CGNL1: variants seen among roughly 807,000 people sequenced by gnomAD.
CGNL1 encodes cingulin-like protein 1.
In CGNL1, 132 loss-of-function variants were observed where a neutral mutation model predicts 141.2. The ratio of observed to expected loss-of-function variants is 0.93; its 90% CI spans 0.81 to 1.08. The LOEUF (loss-of-function observed/expected upper bound fraction) is 1.08, where lower values mean the gene tolerates loss of function less well. CGNL1 is among the 50% of genes least tolerant of loss of function. The pLI, the probability that CGNL1 is intolerant of heterozygous loss-of-function variation, is 0.00. For synonymous variants in CGNL1, 690 were observed against 622.1 expected, an observed-to-expected ratio of 1.11 and a Z score of -1.63; for missense variants, 1,870 against 1,588.6, an observed-to-expected ratio of 1.18 and a Z score of -3.01.
At chr15:57,458,058 C>T (rs1455659356) in intron 7 of CGNL1, among the ~76,000 whole-genome samples, 1 of 152,098 alleles carries the variant, frequency 6.6e-6, no homozygotes, top group Non-Finnish European at 1.5e-5. Flanking sequence ...GAGCTTCGTT[C>T]GTTTATGAAG....
At chr15:57,526,588 T>A (rs1595798359) in intron 12 of CGNL1, among the ~76,000 whole-genome samples, 1 of 152,178 alleles carries the variant, frequency 6.6e-6, no homozygotes, top group Non-Finnish European at 1.5e-5. Flanking sequence ...CTGATAAGCA[T>A]GATCTTTAGA....
At chr15:57,484,589 G>T (rs2063764297) in intron 8 of CGNL1, among the ~76,000 whole-genome samples, 1 of 152,040 alleles carries the variant, frequency 6.6e-6, no homozygotes, top group Non-Finnish European at 1.5e-5. Context: ...GGATACATGT[G>T]CTGAATGTGC....
intron 1 of CGNL1, among the ~76,000 whole-genome samples, chr15:57,423,719 C>T (rs141500739): frequency 1.3e-5 from 2 of 152,332 alleles, no homozygotes; most frequent in East Asian, 1.9e-4. Flanking sequence ...TTCCTCGCAT[C>T]CCCCTGGTCG....
intron 8 of CGNL1, among the ~76,000 whole-genome samples, chr15:57,516,240 C>A (rs181605719): frequency 6.6e-6 from 1 of 151,168 alleles, no homozygotes; most frequent in South Asian, 2.1e-4. Flanking sequence ...TGTCAGAAAG[C>A]GAGGGTTATG....
At chr15:57,396,952 C>G (rs2062609661) in intron 1 of CGNL1, 3 of 152,178 alleles carry the variant, frequency 2.0e-5, no homozygotes, top group Admixed American at 2.0e-4. Context: ...AAGAGAAAGA[C>G]TCAGAAATCA....
intron 8 of CGNL1, among the ~76,000 whole-genome samples, chr15:57,507,325 A>G (rs1398689746): frequency 6.6e-6 from 1 of 152,226 alleles, no homozygotes; most frequent in Non-Finnish European, 1.5e-5. Flanking sequence ...TGTCAAATGC[A>G]TTCTGTGAGC....
At chr15:57,398,039 C>T (rs186320550) in intron 1 of CGNL1, among the ~76,000 whole-genome samples, 239 of 152,276 alleles carry the variant, frequency 1.6e-3, no homozygotes, top group Non-Finnish European at 2.5e-3. Flanking sequence ...CCTCAGCTTC[C>T]CAAAGTGCTG....
Position 57,547,495 on chromosome 15 carries a change from T to C in CGNL1, c.*5T>C. ...ACCGTCGCCAGCCAGATCTGAGTGCTCTCCCGGGCTGTGGAAGTACCTGTC... is the reference window on the plus strand; with the variant it reads ...ACCGTCGCCAGCCAGATCTGAGTGCCCTCCCGGGCTGTGGAAGTACCTGTC... On this transcript the variant is annotated 3_prime_UTR_variant, in exon 19 of 19. Transcript: ENST00000281282. 2 of 1,611,566 alleles carry C rather than the reference T, an allele frequency of 1.2e-6. No homozygotes were observed. Among genetic ancestry groups the C allele is most frequent in the Non-Finnish European group, 1.7e-6 (2 of 1,179,188 alleles).
intron 1 of CGNL1, among the ~76,000 whole-genome samples, chr15:57,426,150 T>A (rs1227507927): frequency 6.6e-6 from 1 of 151,790 alleles, no homozygotes; most frequent in Non-Finnish European, 1.5e-5. Flanking sequence ...GAAGACACAT[T>A]CTTTTTTTTT....
Position 57,516,959 on chromosome 15 carries a change from G to A in CGNL1, c.2583G>A (p.Lys861=). The A allele has an allele frequency of 1.2e-6, 2 of 1,613,628 alleles. No individual in the cohort carries two copies. The highest frequency in any genetic ancestry group is 1.3e-5 in the African/African-American group (1 of 74,766). ...QIEDLKGDEA[K]AKETLKKYEG... ...AGGACCTGAAAGGCGATGAAGCCAA[G>A]GCGAAGGAAACGCTGAAGAAGTACG... is the stretch of plus-strand genomic sequence containing the variant. The change falls in exon 9 of 19, where the codon AAG becomes AAA. Residue 861 remains lysine, a synonymous_variant. Transcript: ENST00000281282.
intron 14 of CGNL1, among the ~76,000 whole-genome samples, chr15:57,540,818 C>T (rs529663876): frequency 2.6e-5 from 4 of 152,250 alleles, no homozygotes; most frequent in Non-Finnish European, 5.9e-5. Context: ...TAAGACACAT[C>T]ATGTCGTTTG....
At chr15:57,450,665 G>C (rs2063311623) in intron 4 of CGNL1, among the ~76,000 whole-genome samples, 1 of 152,206 alleles carries the variant, frequency 6.6e-6, no homozygotes, top group African/African-American at 2.4e-5. Context: ...GAGTCATGGA[G>C]AACCCAGGGT....
intron 8 of CGNL1, among the ~76,000 whole-genome samples, chr15:57,469,160 G>T (rs1370707493): frequency 6.6e-6 from 1 of 152,062 alleles, no homozygotes; most frequent in Non-Finnish European, 1.5e-5. Flanking sequence ...GGAGGAATGA[G>T]CAGGTAGTAG....
chr15:57,453,258 C>G (rs947039316), intron 6 of CGNL1, among the ~76,000 whole-genome samples: 11 of 152,268 alleles, frequency 7.2e-5, no homozygotes, highest in African/African-American at 2.2e-4. Flanking sequence ...CACTAACAGG[C>G]AGTGGGCTGA....
chr15:57,419,241 A>G (rs1245312770), intron 1 of CGNL1, among the ~76,000 whole-genome samples: 9 of 152,074 alleles, frequency 5.9e-5, no homozygotes, highest in Admixed American at 4.6e-4. Context: ...CCTTTTCTTG[A>G]CATTGCTTTA....
rs1272587719 is a variant in CGNL1 at position 57,438,581 on chromosome 15, A to T, written c.582A>T (p.Lys194Asn). Residue 194 changes from lysine (K) to asparagine (N), a missense_variant, in exon 2 of 19, where the codon AAA becomes AAT. Lys to Asn is a moderately conservative substitution (Grantham distance 94, BLOSUM62 0). Coordinates refer to ENST00000281282, the MANE Select transcript of CGNL1 (RefSeq NM_032866.5). ...AGAAGCCTTGGACTTGCTTTCCCAAACCTAGCAATTCCCAGCCTACCAGTC... is the reference window on the plus strand; with the variant it reads ...AGAAGCCTTGGACTTGCTTTCCCAATCCTAGCAATTCCCAGCCTACCAGTC... ...NNKKPWTCFP[K>N]PSNSQPTSPS... 6 of 1,613,562 alleles carry T rather than the reference A, an allele frequency of 3.7e-6. No individual in the cohort carries two copies. The African/African-American group carries it at 5.3e-5, about 14-fold the overall frequency.
chr15:57,483,623 C>T lies in CGNL1; in HGVS notation c.2403+21731C>T, dbSNP rs79492429. Among the ~76,000 whole-genome samples, 491 of 152,162 alleles carry T rather than the reference C, an allele frequency of 3.2e-3. 4 individuals carry two copies. The highest frequency in any genetic ancestry group is 0.027 in the South Asian group (132 of 4,814). On this transcript the variant is annotated intron_variant, in intron 8 of 18. Coordinates refer to ENST00000281282, the MANE Select transcript of CGNL1 (RefSeq NM_032866.5). ...TTGCTACTTATTTCCTGCCTTATTA[C>T]GCAGGCTAGAAGCTCCAATACTATG...
At chr15:57,385,593 C>G in intron 1 of CGNL1, among the ~76,000 whole-genome samples, 1 of 152,228 alleles carries the variant, frequency 6.6e-6, no homozygotes, top group East Asian at 1.9e-4. Context: ...CTCTATTTGA[C>G]GATCACTAGG....
At chr15:57,500,371 G>A (rs1454928188) in intron 8 of CGNL1, among the ~76,000 whole-genome samples, 2 of 152,188 alleles carry the variant, frequency 1.3e-5, no homozygotes, top group Admixed American at 6.5e-5. Context: ...GATGAAGCCC[G>A]AGGAGGAGGT....
Sources: gnomAD v4.1 joint callset for allele counts (sites outside exome capture counted in the v4.1 genomes callset) on GRCh38, gnomAD v4.1.1 for gene constraint, MANE v1.5 for transcripts, NCBI Gene and HGNC (gene_info 2026-07-23, HGNC 2026-07-21) for gene names.